The following CMIP variants were observed in gnomAD, a reference collection of about 807,000 sequenced individuals.
CMIP encodes the protein C-Maf-inducing protein.
A neutral mutation model predicts 97.3 loss-of-function variants in CMIP; 13 were observed. The observed-to-expected ratio is 0.13, with a 90% CI of 0.09 to 0.21. The LOEUF (loss-of-function observed/expected upper bound fraction) is 0.21, where lower values mean the gene tolerates loss of function less well. Ranked by LOEUF, CMIP falls within the 10% of genes least tolerant of loss-of-function variation. The probability of loss-of-function intolerance (pLI) is 1.00; values close to 1 mark genes in which losing one functional copy is unlikely to be tolerated. For missense variants in CMIP, 847 were observed against 1,024.9 expected (o/e 0.83, Z 2.37); for synonymous variants, 538 against 436.3 (o/e 1.23, Z -2.91).
intron 1 of CMIP, among the ~76,000 whole-genome samples, chr16:81,491,300 C>T (rs747765518): frequency 2.6e-5 from 4 of 152,148 alleles, no homozygotes; most frequent in Admixed American, 6.5e-5. Flanking sequence ...TTTTGAGTCC[C>T]GTCTCTGTCA....
chr16:81,577,109 C>T (rs1177809840), intron 1 of CMIP, among the ~76,000 whole-genome samples: 1 of 144,606 alleles, frequency 6.9e-6, no homozygotes, highest in Non-Finnish European at 1.5e-5. Context: ...TCACTATCAC[C>T]ATCACCACCA....
intron 16 of CMIP, 33 bp from the exon 17 acceptor site, chr16:81,702,589 G>T (rs771588125): frequency 2.0e-5 from 32 of 1,607,370 alleles, no homozygotes; most frequent in Middle Eastern, 1.6e-4. Flanking sequence ...TTGGGGAAAA[G>T]AATGGTTGTA....
chr16:81,490,622 A>G (rs1261923706), intron 1 of CMIP, among the ~76,000 whole-genome samples: 2 of 152,176 alleles, frequency 1.3e-5, no homozygotes, highest in African/African-American at 2.4e-5. Flanking sequence ...TGTCTCAAAA[A>G]CGAAAAACCA....
rs2091918204 is a variant in CMIP at position 81,616,361 on chromosome 16, G to A, written c.427-4515G>A. Among the ~76,000 whole-genome samples, 1 of 152,176 alleles carries A rather than the reference G, an allele frequency of 6.6e-6. No homozygotes were observed. Among genetic ancestry groups the A allele is most frequent in the Non-Finnish European group, 1.5e-5 (1 of 68,024 alleles). On this transcript the variant is annotated intron_variant, in intron 2 of 20. Transcript: ENST00000537098. The surrounding 1 kb of genome is among the most constrained non-coding windows in gnomAD (Gnocchi z 4.7). ...TCCTGGCCGAGGTGTGGGGAGGGCA[G>A]GGGCAGGCGCCGGAGTGTGCAGAGG...
At position 81,710,208 on chromosome 16, in the gene CMIP, G is replaced by T. The variant is rs1908607877; in HGVS notation, c.*409G>T. Reference sequence around the variant, plus strand: ...GACGAAGGATGCTTTCTTCCTAGAGGCTCCGAGCTGAGCTGCGAACTCGCC... The same window carrying T: ...GACGAAGGATGCTTTCTTCCTAGAGTCTCCGAGCTGAGCTGCGAACTCGCC... On this transcript the variant is annotated 3_prime_UTR_variant, in exon 21 of 21. Transcript: ENST00000537098. 4.1e-6 allele frequency: 1 copy of T among 246,394 alleles called. No homozygotes were observed. The highest frequency in any genetic ancestry group is 5.1e-5 in the Admixed American group (1 of 19,600). The allele number at this position is 246,394 out of a possible 1,614,324, so 15.3% of individuals were successfully genotyped here.
intron 1 of CMIP, among the ~76,000 whole-genome samples, chr16:81,582,726 T>C (rs998585777): frequency 1.3e-5 from 2 of 152,166 alleles, no homozygotes; most frequent in Admixed American, 6.5e-5. Flanking sequence ...TCCTGACTAG[T>C]GTATTGCTTG....
chr16:81,618,492 G>A (rs747730248), intron 2 of CMIP: 1 of 152,214 alleles, frequency 6.6e-6, no homozygotes. Flanking sequence ...TGTTTAGGGG[G>A]CTTTATTTTC....
At chr16:81,666,158 A>G (rs186491968) in intron 7 of CMIP, 11 of 152,324 alleles carry the variant, frequency 7.2e-5, no homozygotes, top group East Asian at 3.9e-4. Context: ...TTGGCCAGCT[A>G]GAAGGAAAGG....
chr16:81,567,271 C>A (rs1277094173), intron 1 of CMIP, among the ~76,000 whole-genome samples: 1 of 152,272 alleles, frequency 6.6e-6, no homozygotes, highest in Non-Finnish European at 1.5e-5. Context: ...CTGCAGACTT[C>A]CCTGAAGGGA....
At chr16:81,588,099 G>C (rs2150914605) in intron 1 of CMIP, among the ~76,000 whole-genome samples, 1 of 152,268 alleles carries the variant, frequency 6.6e-6, no homozygotes, top group Non-Finnish European at 1.5e-5. Flanking sequence ...GCTTTTCAGA[G>C]CTGAGACACT....
intron 18 of CMIP, among the ~76,000 whole-genome samples, chr16:81,704,982 T>C (rs532901940): frequency 2.0e-5 from 3 of 152,110 alleles, no homozygotes; most frequent in East Asian, 3.9e-4. Context: ...CTTTTTGTTA[T>C]AGTAACACCA....
At chr16:81,643,818 A>G (rs2092333573) in intron 3 of CMIP, among the ~76,000 whole-genome samples, 1 of 150,898 alleles carries the variant, frequency 6.6e-6, no homozygotes, top group Non-Finnish European at 1.5e-5. Context: ...AATAAGGTTA[A>G]TGGTTAATTT....
At chr16:81,645,070 A>G (rs933708368) in intron 3 of CMIP, among the ~76,000 whole-genome samples, 2 of 152,232 alleles carry the variant, frequency 1.3e-5, no homozygotes, top group African/African-American at 2.4e-5. Flanking sequence ...ACCACTAGAC[A>G]CAGCTGGCTA....
chr16:81,643,472 C>T (rs960112012), intron 3 of CMIP, among the ~76,000 whole-genome samples: 4 of 152,154 alleles, frequency 2.6e-5, no homozygotes, highest in South Asian at 2.1e-4. Context: ...CTGTGCTAAA[C>T]GCCGCTGAAG....
chr16:81,499,120 T>C (rs1413836366), intron 1 of CMIP, among the ~76,000 whole-genome samples: 1 of 152,066 alleles, frequency 6.6e-6, no homozygotes, highest in Non-Finnish European at 1.5e-5. Flanking sequence ...GCTCAAGGCT[T>C]CAGTCCAGGC....
chr16:81,602,116 C>G (rs1054771106), intron 1 of CMIP, among the ~76,000 whole-genome samples: 2 of 152,112 alleles, frequency 1.3e-5, no homozygotes, highest in African/African-American at 2.4e-5. Context: ...TAAAATGAAA[C>G]AGTGGCACTG....
chr16:81,686,934 C>G (rs1273983754), intron 10 of CMIP, among the ~76,000 whole-genome samples: 1 of 151,854 alleles, frequency 6.6e-6, no homozygotes, highest in African/African-American at 2.4e-5. Context: ...CCTGGCCTCT[C>G]CCGTGGGTGG....
intron 8 of CMIP, 43 bp from the exon 9 acceptor site, chr16:81,671,923 C>A (rs778389888): frequency 1.8e-6 from 2 of 1,093,044 alleles, no homozygotes; most frequent in African/African-American, 1.5e-5. Context: ...CCATGGGCCC[C>A]ACTCCTGCAG....
At chr16:81,687,108 T>C (rs1485085831) in intron 10 of CMIP, among the ~76,000 whole-genome samples, 2 of 152,170 alleles carry the variant, frequency 1.3e-5, no homozygotes, top group Non-Finnish European at 2.9e-5. Context: ...AGATGGAGAC[T>C]CAACATCCCT....
Sources: allele counts gnomAD v4.1 joint callset (sites outside exome capture counted in the v4.1 genomes callset), GRCh38; gene constraint gnomAD v4.1.1; non-coding constraint Gnocchi (gnomAD v3.1); transcripts MANE v1.5; gene names NCBI Gene and HGNC (gene_info 2026-07-23, HGNC 2026-07-21).